Variants in LRBA observed in about 807,000 individuals in gnomAD.
LRBA encodes lipopolysaccharide-responsive and beige-like anchor protein.
Under a neutral mutation model 330.0 loss-of-function variants are expected in LRBA, and 176 were observed. That is an observed-to-expected ratio of 0.53 (90% CI 0.47 to 0.60). The LOEUF is 0.60. Among genes scored for constraint, LRBA ranks in the 20% least tolerant of loss-of-function variants. LRBA has a pLI of 0.00. For synonymous variants in LRBA, 1,230 were observed against 1,193.0 expected, an observed-to-expected ratio of 1.03 and a Z score of -0.64; for missense variants, 3,259 against 3,444.8, an observed-to-expected ratio of 0.95 and a Z score of 1.35.
At chr4:150,479,316 C>T (rs570177666) in intron 42 of LRBA, among the ~76,000 whole-genome samples, 1 of 152,108 alleles carries the variant, frequency 6.6e-6, no homozygotes, top group African/African-American at 2.4e-5. Context: ...TGTGGGAGAA[C>T]ATTACAGAAC....
chr4:150,601,924 C>T (rs1194371605), intron 37 of LRBA, among the ~76,000 whole-genome samples: 2 of 152,104 alleles, frequency 1.3e-5, no homozygotes, highest in Admixed American at 1.3e-4. Context: ...ATCTCCTGAC[C>T]TCATGATCCG....
At chr4:150,385,711 A>C (rs1259480529) in intron 47 of LRBA, among the ~76,000 whole-genome samples, 1 of 152,194 alleles carries the variant, frequency 6.6e-6, no homozygotes, top group African/African-American at 2.4e-5. Context: ...GTGCAGGCTG[A>C]AAGTGCTACT....
chr4:150,694,462 C>CAAAAAAAAAAAAAAAAAAAAAAAA lies in LRBA; in HGVS notation c.5755-10746_5755-10745insTTTTTTTTTTTTTTTTTTTTTTTT, dbSNP rs58558446. On this transcript the variant is annotated intron_variant, in intron 36 of 56. Coordinates refer to ENST00000651943, the MANE Select transcript of LRBA (RefSeq NM_001364905.1). ...CCTTACCTTAAAGTGTGATCTTTAA[C>CAAAAAAAAAAAAAAAAAAAAAAAA]AAAAAAAAAAAAAAGCTATCTACAG... is the stretch of plus-strand genomic sequence containing the variant. Among the ~76,000 whole-genome samples the CAAAAAAAAAAAAAAAAAAAAAAAA allele has an allele frequency of 2.5e-3, 174 of 70,988 alleles. 33 individuals are homozygous for CAAAAAAAAAAAAAAAAAAAAAAAA. Among genetic ancestry groups the CAAAAAAAAAAAAAAAAAAAAAAAA allele is most frequent in the African/African-American group, 5.6e-3 (114 of 20,390 alleles). The allele number at this position is 70,988 out of a possible 152,430, so 46.6% of individuals were successfully genotyped here.
chr4:150,598,882 TG>T, intron 38 of LRBA, 124 bp downstream of exon 38: 2 of 1,117,524 alleles, frequency 1.8e-6, no homozygotes, highest in Non-Finnish European at 2.5e-6. Context: ...CTTCTCTTTC[TG>T]GTATGAACAA....
intron 55 of LRBA, among the ~76,000 whole-genome samples, chr4:150,279,386 G>A (rs923666170): frequency 5.9e-5 from 9 of 152,084 alleles, no homozygotes; most frequent in African/African-American, 2.2e-4. Context: ...TTTCTTTAGT[G>A]GATGGCATCA....
At chr4:150,766,667 G>A (rs1036157178) in intron 34 of LRBA, among the ~76,000 whole-genome samples, 1 of 152,124 alleles carries the variant, frequency 6.6e-6, no homozygotes, top group Non-Finnish European at 1.5e-5. Context: ...CGTCTTTCAT[G>A]ATCGTTTCAA....
intron 54 of LRBA, 141 bp downstream of exon 54, chr4:150,285,792 T>G (rs1268220387): frequency 6.5e-6 from 3 of 459,644 alleles, no homozygotes; most frequent in Non-Finnish European, 1.1e-5. Context: ...TAATTTTAAA[T>G]AATTTAAATA....
At chr4:150,719,819 T>C (rs908775050) in intron 36 of LRBA, among the ~76,000 whole-genome samples, 2 of 152,004 alleles carry the variant, frequency 1.3e-5, no homozygotes, top group Admixed American at 6.6e-5. Context: ...AATTGAAAAA[T>C]GCGGCTGATT....
Position 150,852,586 on chromosome 4 carries a change from T to C in LRBA, c.3124A>G (p.Thr1042Ala). The C allele has an allele frequency of 6.2e-7, 1 of 1,614,006 alleles. No homozygotes were observed. The highest frequency in any genetic ancestry group is 8.5e-7 in the Non-Finnish European group (1 of 1,179,992). Reference sequence around the variant, plus strand: ...ACTTCTAAATCATCTGCATTCCTTGTCTCATTTGTCAGTGTTTCTTCCAAA... The same window carrying C: ...ACTTCTAAATCATCTGCATTCCTTGCCTCATTTGTCAGTGTTTCTTCCAAA... Reference protein sequence around the residue: ...GTLEETLTNETRNADDLEVSS... With the variant: ...GTLEETLTNEARNADDLEVSS... The change falls in exon 23 of 57, where the codon ACA (threonine) becomes GCA (alanine). Residue 1042 changes from threonine (T) to alanine (A), a missense_variant. Physicochemically the swap from Thr to Ala is moderately conservative, Grantham distance 58. Transcript: ENST00000651943.
At chr4:150,604,166 A>G (rs1774391460) in intron 37 of LRBA, among the ~76,000 whole-genome samples, 1 of 152,040 alleles carries the variant, frequency 6.6e-6, no homozygotes, top group African/African-American at 2.4e-5. Context: ...CCTAGAACTC[A>G]GGGAGGCTAA....
intron 31 of LRBA, among the ~76,000 whole-genome samples, chr4:150,815,759 G>T (rs1744486732): frequency 6.6e-6 from 1 of 151,818 alleles, no homozygotes; most frequent in South Asian, 2.1e-4. Flanking sequence ...CAACTTCATG[G>T]AGATCCAAAT....
At chr4:150,982,669 C>T (rs1187177493) in intron 2 of LRBA, among the ~76,000 whole-genome samples, 1 of 150,470 alleles carries the variant, frequency 6.6e-6, no homozygotes, top group African/African-American at 2.4e-5. Flanking sequence ...TTTTTTACCA[C>T]CACATTTCCC....
rs938297354 is a variant in LRBA at position 150,787,091 on chromosome 4, G to A, written c.5580+10990C>T. On this transcript the variant is annotated intron_variant, in intron 34 of 56. Transcript: ENST00000651943. ...TACAAAAATAAAAAAAAGTCGCCAG[G>A]CATGATGGTGGGTGCCTGTAATCCC... Among the ~76,000 whole-genome samples, 12 of 152,092 alleles carry A rather than the reference G, an allele frequency of 7.9e-5. 1 individual carries two copies. The highest frequency in any genetic ancestry group is 2.2e-4 in the African/African-American group (9 of 41,404).
At chr4:150,720,391 T>C (rs1728777415) in intron 36 of LRBA, among the ~76,000 whole-genome samples, 1 of 152,008 alleles carries the variant, frequency 6.6e-6, no homozygotes, top group Non-Finnish European at 1.5e-5. Context: ...GCAAATAAGA[T>C]AAAACTCAAA....
intron 2 of LRBA, among the ~76,000 whole-genome samples, chr4:150,934,610 A>G (rs1782366): frequency 0.96 from 145,993 of 152,200 alleles, 70,307 homozygotes; most frequent in Non-Finnish European, 1. Flanking sequence ...GGTGGCTCAC[A>G]TCTGTAATCC....
At chr4:150,610,274 G>A (rs946510566) in intron 37 of LRBA, among the ~76,000 whole-genome samples, 2 of 152,118 alleles carry the variant, frequency 1.3e-5, no homozygotes, top group African/African-American at 4.8e-5. Context: ...ACCATACATA[G>A]TAACCTGGGA....
intron 47 of LRBA, among the ~76,000 whole-genome samples, chr4:150,386,969 G>A (rs1389262167): frequency 6.6e-6 from 1 of 152,190 alleles, no homozygotes; most frequent in Non-Finnish European, 1.5e-5. Context: ...TGACTGGTGT[G>A]AGATGGTATC....
intron 44 of LRBA, among the ~76,000 whole-genome samples, chr4:150,446,056 C>T (rs1431250516): frequency 6.6e-6 from 1 of 151,808 alleles, no homozygotes; most frequent in African/African-American, 2.4e-5. Context: ...GGAAATAAGC[C>T]AAGCACAGAA....
chr4:150,467,352 T>C (rs186400558), intron 44 of LRBA, among the ~76,000 whole-genome samples: 3 of 152,204 alleles, frequency 2.0e-5, no homozygotes, highest in Admixed American at 2.0e-4. Context: ...ACCCCAGTAG[T>C]AGAAGAGAGG....
Sources: gnomAD v4.1 joint callset for allele counts (sites outside exome capture counted in the v4.1 genomes callset) on GRCh38, gnomAD v4.1.1 for gene constraint, MANE v1.5 for transcripts, NCBI Gene and HGNC (gene_info 2026-07-23, HGNC 2026-07-21) for gene names.